The following GSE1 variants were observed in gnomAD, a reference collection of about 807,000 sequenced individuals.
GSE1 encodes the protein Gse1 coiled-coil protein, also known as genetic suppressor element 1.
Under a neutral mutation model 112.6 loss-of-function variants are expected in GSE1, and 32 were observed. The observed-to-expected ratio is 0.28, with a 90% CI of 0.21 to 0.38. The LOEUF is 0.38. Ranked by LOEUF, GSE1 falls within the 10% of genes least tolerant of loss-of-function variation. The probability of loss-of-function intolerance (pLI) is 1.00; values close to 1 mark genes in which losing one functional copy is unlikely to be tolerated. For missense variants in GSE1, 2,348 were observed against 1,699.2 expected (o/e 1.38, Z -6.71); for synonymous variants, 1,115 against 735.6 (o/e 1.52, Z -8.35).
At position 85,471,047 on chromosome 16, in the gene GSE1, G is replaced by C. The variant is rs142323683; in HGVS notation, c.2464+113404G>C. On this transcript the variant is annotated intron_variant, in intron 2 of 2. Coordinates refer to the GSE1 transcript ENST00000637419. ...TCCTACTGCCACCCCAGAGCAGGAG[G>C]TGCCAGGCATTCTCTCCATGGACGC... Among the ~76,000 whole-genome samples, 816 of 152,310 alleles carry C rather than the reference G, an allele frequency of 5.4e-3. 6 individuals are homozygous for C. Among genetic ancestry groups the C allele is most frequent in the African/African-American group, 0.019 (776 of 41,544 alleles).
chr16:85,361,315 C>A (rs1315999122), intron 2 of GSE1, among the ~76,000 whole-genome samples: 2 of 51,222 alleles, frequency 3.9e-5, no homozygotes, highest in African/African-American at 1.5e-4. Context: ...AGGCACAGAC[C>A]CCCCCACACA....
At chr16:85,498,655 C>T (rs887811323) in intron 2 of GSE1, among the ~76,000 whole-genome samples, 18 of 152,364 alleles carry the variant, frequency 1.2e-4, no homozygotes, top group African/African-American at 3.8e-4. Context: ...CTAGACACCC[C>T]CCACACTCAC....
intron 1 of GSE1, chr16:85,592,131 T>C (rs2047027759): frequency 6.6e-6 from 1 of 152,208 alleles, no homozygotes; most frequent in African/African-American, 2.4e-5. Context: ...ATTTTTTCTT[T>C]TTCTTTTTTT....
chr16:85,405,023 C>G (rs1375405890), intron 2 of GSE1, among the ~76,000 whole-genome samples: 1 of 34,898 alleles, frequency 2.9e-5, no homozygotes, highest in African/African-American at 3.0e-4. Flanking sequence ...TACACTCAGG[C>G]CCCCCGGATA....
At chr16:85,197,739 G>T (rs1292408751) in intron 1 of GSE1, among the ~76,000 whole-genome samples, 1 of 152,180 alleles carries the variant, frequency 6.6e-6, no homozygotes, top group Non-Finnish European at 1.5e-5. Context: ...AACTTCATCT[G>T]CCTGCCCCAT....
intron 1 of GSE1, among the ~76,000 whole-genome samples, chr16:85,186,487 C>T (rs1317076703): frequency 6.6e-6 from 1 of 152,038 alleles, no homozygotes; most frequent in Admixed American, 6.6e-5. Flanking sequence ...CCTGTAGTCC[C>T]AGCTACTAGA....
At chr16:85,664,780 C>T (rs1314573442) in intron 11 of GSE1, 16 of 475,876 alleles carry the variant, frequency 3.4e-5, no homozygotes, top group Admixed American at 1.1e-4. Context: ...CGTCACCGCA[C>T]GGACAGCTGT....
intron 1 of GSE1, among the ~76,000 whole-genome samples, chr16:85,174,822 C>T (rs970617881): frequency 6.6e-6 from 1 of 152,198 alleles, no homozygotes; most frequent in African/African-American, 2.4e-5. Context: ...AGCCTGTGAG[C>T]CCCCTGGGGA....
At chr16:85,662,047 A>C (rs535084906) in intron 9 of GSE1, among the ~76,000 whole-genome samples, 1 of 152,220 alleles carries the variant, frequency 6.6e-6, no homozygotes, top group East Asian at 1.9e-4. Flanking sequence ...AGCATGATGA[A>C]TAAGTGATGA....
intron 2 of GSE1, among the ~76,000 whole-genome samples, chr16:85,477,315 A>G (rs1409969749): frequency 6.6e-6 from 1 of 152,140 alleles, no homozygotes. Flanking sequence ...TGCTCAGTGA[A>G]GATTCCGAAT....
intron 1 of GSE1, among the ~76,000 whole-genome samples, chr16:85,262,820 G>T (rs1907842950): frequency 6.6e-6 from 1 of 152,220 alleles, no homozygotes. Context: ...GTTGGAAAAT[G>T]TGTTGCAATG....
chr16:85,267,993 C>G (rs753497421), intron 1 of GSE1, among the ~76,000 whole-genome samples: 2 of 152,172 alleles, frequency 1.3e-5, no homozygotes, highest in Non-Finnish European at 2.9e-5. Flanking sequence ...CCAGGATTAA[C>G]TTAGTGATAC....
At chr16:85,653,381 C>T (rs1350584069) in intron 3 of GSE1, among the ~76,000 whole-genome samples, 1 of 140,630 alleles carries the variant, frequency 7.1e-6, no homozygotes, top group African/African-American at 2.6e-5. Context: ...TCTGGTTTCT[C>T]CGGGCTGGAC....
intron 1 of GSE1, among the ~76,000 whole-genome samples, chr16:85,215,882 G>T (rs142347817): frequency 6.6e-6 from 1 of 152,308 alleles, no homozygotes; most frequent in Non-Finnish European, 1.5e-5. Flanking sequence ...TGCAGAACAG[G>T]ATCAGGTTGT....
At chr16:85,312,391 C>T (rs892310581) in intron 1 of GSE1, among the ~76,000 whole-genome samples, 4 of 152,182 alleles carry the variant, frequency 2.6e-5, no homozygotes, top group Non-Finnish European at 4.4e-5. Context: ...CTCGGGGACC[C>T]GTCCTGCCTC....
chr16:85,662,972 C>G lies in GSE1; in HGVS notation c.2261-9C>G, dbSNP rs1487888112. On this transcript the variant is annotated splice_polypyrimidine_tract_variant and intron_variant, in intron 9 of 15. Coordinates refer to ENST00000253458, the MANE Select transcript of GSE1 (RefSeq NM_014615.5). ...TTTGTCTGGCTGAATACAACCATTTCTCCATCAGGGTACTACTACGACCTC... is the reference window on the plus strand; with the variant it reads ...TTTGTCTGGCTGAATACAACCATTTGTCCATCAGGGTACTACTACGACCTC... 8 of 1,556,566 alleles carry G rather than the reference C, an allele frequency of 5.1e-6. No individual in the cohort carries two copies. The highest frequency in any genetic ancestry group is 2.7e-5 in the African/African-American group (2 of 73,476).
intron 1 of GSE1, among the ~76,000 whole-genome samples, chr16:85,325,121 A>T (rs1380009113): frequency 1.3e-5 from 2 of 151,996 alleles, no homozygotes; most frequent in Admixed American, 6.6e-5. Flanking sequence ...GGTGCATGCC[A>T]CCACACCTGG....
rs896032020 is a variant in GSE1, at chr16:85,674,255, G to T, written c.*1716G>T. Reference sequence around the variant, plus strand: ...GCGCAGAACAGCTTGCTGGCAGCTGGCATCGTGTCGCTTTATCTGCCCCCG... The same window carrying T: ...GCGCAGAACAGCTTGCTGGCAGCTGTCATCGTGTCGCTTTATCTGCCCCCG... On this transcript the variant is annotated 3_prime_UTR_variant, in exon 16 of 16. Transcript: ENST00000253458. 4.6e-5 allele frequency: 7 copies of T among 152,294 alleles called. No individual in the cohort carries two copies. The highest frequency in any genetic ancestry group is 1.7e-4 in the African/African-American group (7 of 41,478). 9.4% of individuals were successfully genotyped at this position (152,294 alleles called of 1,614,324 possible).
Sources: gnomAD v4.1 joint callset for allele counts (sites outside exome capture counted in the v4.1 genomes callset) on GRCh38, gnomAD v4.1.1 for gene constraint, MANE v1.5 for transcripts, NCBI Gene and HGNC (gene_info 2026-07-23, HGNC 2026-07-21) for gene names.